The following ATXN8OS variants were observed in gnomAD, a reference collection of about 807,000 sequenced individuals.
ATXN8OS encodes the protein ATXN8 opposite strand (non-protein coding).
chr13:70,139,775 G>T (rs1052462623), intron 3 of ATXN8OS, among the ~76,000 whole-genome samples: 3 of 152,106 alleles, frequency 2.0e-5, no homozygotes, highest in African/African-American at 2.4e-5. Flanking sequence ...TATTTAAGTG[G>T]ATGAATGCTT....
rs113061502 is a variant in ATXN8OS, at chr13:70,117,360, T to C, written n.398+2062T>C. 2.6e-5 allele frequency among the ~76,000 whole-genome samples: 4 copies of C among 152,142 alleles called. 1 individual carries two copies. Among genetic ancestry groups the C allele is most frequent in the African/African-American group, 9.6e-5 (4 of 41,518 alleles). On this transcript the variant is annotated intron_variant and non_coding_transcript_variant, in intron 2 of 4. Coordinates refer to ENST00000678624, the Ensembl canonical transcript of ATXN8OS. ...TGTTGTATACTTTAAATATATACAA[T>C]TATAAAAATGAAAAAAACTATGCTT...
exon 5 of ATXN8OS, among the ~76,000 whole-genome samples, chr13:70,171,192 T>C (rs1889140147): frequency 6.6e-6 from 1 of 152,096 alleles, no homozygotes; most frequent in African/African-American, 2.4e-5. Flanking sequence ...GATTAGGTTA[T>C]AACTTTGCAT....
intron 4 of ATXN8OS, among the ~76,000 whole-genome samples, chr13:70,167,637 G>A (rs1429669516): frequency 8.8e-6 from 1 of 113,300 alleles, no homozygotes; most frequent in East Asian, 2.4e-4. Flanking sequence ...TTGTGCACAT[G>A]TACCCTAAAA....
intron 2 of ATXN8OS, among the ~76,000 whole-genome samples, chr13:70,129,593 T>C (rs143526362): frequency 3.3e-4 from 51 of 152,306 alleles, no homozygotes; most frequent in Middle Eastern, 3.4e-3. Flanking sequence ...TAAAAAGTCC[T>C]TTACGTGAAC....
chr13:70,115,608 A>G (rs1330263779), intron 2 of ATXN8OS, among the ~76,000 whole-genome samples: 2 of 152,122 alleles, frequency 1.3e-5, no homozygotes, highest in Non-Finnish European at 2.9e-5. Context: ...TCTGCAGGGC[A>G]AAGAACATGT....
At position 70,135,957 on chromosome 13, in the gene ATXN8OS, A is replaced by G. The variant is rs563967599; in HGVS notation, n.499+6073A>G. On this transcript the variant is annotated intron_variant and non_coding_transcript_variant, in intron 3 of 4. Coordinates refer to ENST00000678624, the Ensembl canonical transcript of ATXN8OS. ...AATGATATTTATCTGAGCAAGAACAATTGATAAATTAGGCCGCACTCTAAA... is the reference window on the plus strand; with the variant it reads ...AATGATATTTATCTGAGCAAGAACAGTTGATAAATTAGGCCGCACTCTAAA... Among the ~76,000 whole-genome samples the G allele has an allele frequency of 3.9e-5, 6 of 152,334 alleles. No individual in the cohort carries two copies. In the South Asian group the frequency reaches 1.2e-3, roughly 32 times the overall value.
chr13:70,158,532 G>C (rs1242546401), intron 4 of ATXN8OS, among the ~76,000 whole-genome samples: 1 of 152,202 alleles, frequency 6.6e-6, no homozygotes, highest in East Asian at 1.9e-4. Flanking sequence ...TGCCTAGATG[G>C]CAATGCTATC....
intron 4 of ATXN8OS, among the ~76,000 whole-genome samples, chr13:70,168,352 T>C (rs937378033): frequency 6.6e-6 from 1 of 152,100 alleles, no homozygotes; most frequent in Non-Finnish European, 1.5e-5. Context: ...TTATCACTTA[T>C]ATAATGTGTT....
chr13:70,113,129 C>G (rs1347160503), intron 1 of ATXN8OS, among the ~76,000 whole-genome samples: 2 of 151,608 alleles, frequency 1.3e-5, no homozygotes, highest in African/African-American at 4.8e-5. Context: ...ACCATATTGG[C>G]CAGGTTGGTC....
At chr13:70,146,463 A>T (rs1337785898) in intron 3 of ATXN8OS, among the ~76,000 whole-genome samples, 2 of 152,140 alleles carry the variant, frequency 1.3e-5, no homozygotes, top group Non-Finnish European at 2.9e-5. Context: ...ACACATGCAC[A>T]CGTATGTTTA....
At chr13:70,118,567 G>A (rs1489307066) in intron 2 of ATXN8OS, among the ~76,000 whole-genome samples, 2 of 151,888 alleles carry the variant, frequency 1.3e-5, no homozygotes, top group African/African-American at 4.8e-5. Flanking sequence ...TATACATAGA[G>A]AGGAAGAGAG....
exon 1 of ATXN8OS, chr13:70,107,884 A>G (rs1178993967): frequency 4.8e-5 from 26 of 541,868 alleles, no homozygotes; most frequent in Non-Finnish European, 8.3e-5. Context: ...CAGACGGCAA[A>G]GCCGCGCGTT....
chr13:70,115,158 T>C (rs1888256953), exon 2 of ATXN8OS: 3 of 398,268 alleles, frequency 7.5e-6, no homozygotes, highest in Admixed American at 4.4e-5. Context: ...GGCTGGGAAG[T>C]TCAAGACCAA....
chr13:70,135,610 C>T (rs1888602440), intron 3 of ATXN8OS, among the ~76,000 whole-genome samples: 1 of 151,884 alleles, frequency 6.6e-6, no homozygotes, highest in East Asian at 1.9e-4. Context: ...CTATAATTTA[C>T]ATGGGTCCAT....
intron 4 of ATXN8OS, among the ~76,000 whole-genome samples, chr13:70,147,810 C>T (rs958798156): frequency 3.3e-5 from 5 of 152,092 alleles, no homozygotes; most frequent in Admixed American, 1.3e-4. Flanking sequence ...GATACAGCCT[C>T]GGGAGGTTCT....
chr13:70,140,281 CT>C (rs1341160102), intron 3 of ATXN8OS, among the ~76,000 whole-genome samples: 1 of 151,906 alleles, frequency 6.6e-6, no homozygotes, highest in African/African-American at 2.4e-5. Flanking sequence ...TTTGTATTTT[CT>C]GACCATCTTA....
chr13:70,142,602 AGTAATTACTTGTT>A (rs1261820530), intron 3 of ATXN8OS, among the ~76,000 whole-genome samples: 1 of 152,226 alleles, frequency 6.6e-6, no homozygotes, highest in East Asian at 1.9e-4. Context: ...CCATGGAAAT[AGTAATTACTTGTT>A]GTAATCACCA....
chr13:70,135,149 T>G (rs1326289152), intron 3 of ATXN8OS, among the ~76,000 whole-genome samples: 1 of 152,164 alleles, frequency 6.6e-6, no homozygotes, highest in Non-Finnish European at 1.5e-5. Context: ...CCTGACTTTT[T>G]CTTTATTATC....
chr13:70,140,533 C>CAAA (rs58996989), intron 3 of ATXN8OS, among the ~76,000 whole-genome samples: 29,572 of 132,740 alleles, frequency 0.22, 3,280 homozygotes, highest in Admixed American at 0.27. Flanking sequence ...CACACACACA[C>CAAA]AAAAAAAAAA....
Sources: allele counts gnomAD v4.1 joint callset (sites outside exome capture counted in the v4.1 genomes callset), GRCh38; gene constraint gnomAD v4.1.1; transcripts MANE v1.5; gene names NCBI Gene and HGNC (gene_info 2026-07-23, HGNC 2026-07-21).